The following NFIB variants were observed in gnomAD, a reference collection of about 807,000 sequenced individuals.
The protein encoded by NFIB is nuclear factor 1 B-type.
Under a neutral mutation model 61.5 loss-of-function variants are expected in NFIB, and 11 were observed. That is an observed-to-expected ratio of 0.18 (90% confidence interval 0.11 to 0.30). NFIB has a LOEUF of 0.30. Among genes scored for constraint, NFIB ranks in the 10% least tolerant of loss-of-function variants. NFIB has a pLI of 1.00. For synonymous variants in NFIB, 260 were observed against 216.5 expected, an observed-to-expected ratio of 1.20 and a Z score of -1.76; for missense variants, 471 against 608.9, an observed-to-expected ratio of 0.77 and a Z score of 2.38.
chr9:14,125,839 G>A (rs1247733288), intron 6 of NFIB, 73 bp from the exon 7 acceptor site: 11 of 1,552,726 alleles, frequency 7.1e-6, no homozygotes, highest in African/African-American at 1.4e-5. Flanking sequence ...ACAAATGACA[G>A]ATCTCATCTT....
chr9:14,205,820 C>T (rs1247204721), intron 2 of NFIB, among the ~76,000 whole-genome samples: 3 of 152,128 alleles, frequency 2.0e-5, no homozygotes, highest in African/African-American at 7.2e-5. Context: ...CAGAGCCACA[C>T]CAATATTGTT....
At chr9:14,196,261 T>C (rs191572598) in intron 2 of NFIB, among the ~76,000 whole-genome samples, 4 of 152,288 alleles carry the variant, frequency 2.6e-5, no homozygotes, top group Non-Finnish European at 4.4e-5. Flanking sequence ...AAGTGAAAGA[T>C]AGCTTCACTC....
At chr9:14,341,925 T>G in intron 1 of NFIB, among the ~76,000 whole-genome samples, 1 of 120,142 alleles carries the variant, frequency 8.3e-6, no homozygotes, top group Admixed American at 9.3e-5. Context: ...AGCTAGAGAG[T>G]GACTCCTCGG....
the NFIB span, among the ~76,000 whole-genome samples, chr9:14,464,458 G>A: frequency 1.3e-5 from 2 of 152,164 alleles, no homozygotes; most frequent in Non-Finnish European, 2.9e-5. Flanking sequence ...CATTAGGGAA[G>A]GCTTTATGGT....
intron 3 of NFIB, among the ~76,000 whole-genome samples, chr9:14,174,568 C>T (rs1243118711): frequency 1.3e-5 from 2 of 151,794 alleles, no homozygotes; most frequent in Non-Finnish European, 2.9e-5. Context: ...GAGTTCAAGA[C>T]CAGCCTGGCC....
At chr9:14,168,703 T>A (rs2045215834) in intron 3 of NFIB, among the ~76,000 whole-genome samples, 1 of 152,200 alleles carries the variant, frequency 6.6e-6, no homozygotes, top group Admixed American at 6.5e-5. Flanking sequence ...GCTACAGAGA[T>A]TAGGAAATGA....
chr9:14,312,858 C>A (rs2060348192), intron 1 of NFIB, among the ~76,000 whole-genome samples: 1 of 152,188 alleles, frequency 6.6e-6, no homozygotes, highest in African/African-American at 2.4e-5. Flanking sequence ...AACGTAAATA[C>A]TGCCTTTGTG....
chr9:14,445,559 T>C, the NFIB span, among the ~76,000 whole-genome samples: 1 of 152,236 alleles, frequency 6.6e-6, no homozygotes, highest in African/African-American at 2.4e-5. Flanking sequence ...CTCTGGCTTC[T>C]ATTTAGATGA....
chr9:14,506,552 G>A, the NFIB span, among the ~76,000 whole-genome samples: 1 of 152,164 alleles, frequency 6.6e-6, no homozygotes, highest in African/African-American at 2.4e-5. Flanking sequence ...AAATAATTAG[G>A]AGGGATTATT....
At chr9:14,129,166 T>A (rs2040078299) in intron 6 of NFIB, among the ~76,000 whole-genome samples, 1 of 152,058 alleles carries the variant, frequency 6.6e-6, no homozygotes, top group African/African-American at 2.4e-5. Flanking sequence ...AAAAGTAACT[T>A]ATAATAGTAA....
chr9:14,361,857 G>A (rs970867387), intron 1 of NFIB: 1 of 152,200 alleles, frequency 6.6e-6, no homozygotes, highest in Non-Finnish European at 1.5e-5. Flanking sequence ...GAAAGGCAAG[G>A]AAGCTAATTC....
At chr9:14,511,910 C>G in the NFIB span, among the ~76,000 whole-genome samples, 9 of 152,230 alleles carry the variant, frequency 5.9e-5, no homozygotes, top group Admixed American at 3.3e-4. Flanking sequence ...CAGAAAAAAA[C>G]AAGGCCTCTT....
At chr9:14,502,046 C>A in the NFIB span, among the ~76,000 whole-genome samples, 21 of 152,244 alleles carry the variant, frequency 1.4e-4, no homozygotes, top group African/African-American at 5.1e-4. Flanking sequence ...AGAACATTAG[C>A]TATTAGTCTC....
intron 5 of NFIB, among the ~76,000 whole-genome samples, chr9:14,147,066 C>A (rs1241613522): frequency 6.6e-6 from 1 of 151,542 alleles, no homozygotes. Context: ...AATGTATTTC[C>A]AAAAAAAATT....
At chr9:14,285,295 G>C (rs751718930) in intron 2 of NFIB, among the ~76,000 whole-genome samples, 1 of 152,060 alleles carries the variant, frequency 6.6e-6, no homozygotes, top group Non-Finnish European at 1.5e-5. Flanking sequence ...GCTAATTTTT[G>C]TATTTTTAGT....
chr9:14,222,083 C>T (rs1255359787), intron 2 of NFIB, among the ~76,000 whole-genome samples: 18 of 152,176 alleles, frequency 1.2e-4, no homozygotes, highest in Admixed American at 1.2e-3. Context: ...ATCCCCATTT[C>T]CAATGCACTG....
intron 3 of NFIB, among the ~76,000 whole-genome samples, chr9:14,160,108 C>T (rs1023820494): frequency 1.3e-5 from 2 of 152,168 alleles, no homozygotes; most frequent in African/African-American, 4.8e-5. Flanking sequence ...ATTTACACTA[C>T]ATGTGTGCTT....
chr9:14,148,448 T>A (rs2042523013), intron 5 of NFIB, among the ~76,000 whole-genome samples: 1 of 152,194 alleles, frequency 6.6e-6, no homozygotes, highest in South Asian at 2.1e-4. Context: ...AAAATCTTAT[T>A]CACACCTATG....
In NFIB at chr9:14,179,925, A is replaced by G. The variant is rs1363951483; in HGVS notation, c.563-145T>C. On this transcript the variant is annotated intron_variant, in intron 2 of 10. Coordinates refer to ENST00000380953, the MANE Select transcript of NFIB (RefSeq NM_001190737.2). ...AATACACTTTCCCAAGACTTTTGAT[A>G]GAAACATTTTACTCATCAAACTACA... The G allele has an allele frequency of 1.2e-5, 8 of 691,152 alleles. No homozygotes were observed. In the Admixed American group the frequency reaches 1.7e-4, roughly 14 times the overall value. 42.8% of individuals were successfully genotyped at this position (691,152 alleles called of 1,614,324 possible). A position where few individuals can be genotyped will look rare whatever the true frequency, so the allele number is the denominator to read the frequency against.
Sources: gnomAD v4.1 joint callset for allele counts (sites outside exome capture counted in the v4.1 genomes callset) on GRCh38, gnomAD v4.1.1 for gene constraint, MANE v1.5 for transcripts, NCBI Gene and HGNC (gene_info 2026-07-23, HGNC 2026-07-21) for gene names.